SLC29A4: variants seen among roughly 807,000 people sequenced by gnomAD.
SLC29A4 encodes equilibrative nucleoside transporter 4.
Under a neutral mutation model 43.9 loss-of-function variants are expected in SLC29A4, and 36 were observed. The ratio of observed to expected loss-of-function variants is 0.82; its 90% CI spans 0.63 to 1.08. The LOEUF (loss-of-function observed/expected upper bound fraction) is 1.08, where lower values mean the gene tolerates loss of function less well. Among genes scored for constraint, SLC29A4 ranks in the 50% least tolerant of loss-of-function variants. The pLI, the probability that SLC29A4 is intolerant of heterozygous loss-of-function variation, is 0.00. For synonymous variants in SLC29A4, 491 were observed against 338.0 expected, an observed-to-expected ratio of 1.45 and a Z score of -4.97; for missense variants, 869 against 755.3, an observed-to-expected ratio of 1.15 and a Z score of -1.77.
Position 5,299,011 on chromosome 7 carries a change from C to T in SLC29A4, c.906C>T (p.Ala302=). 1.9e-6 allele frequency: 3 copies of T among 1,610,938 alleles called. No individual in the cohort carries two copies. Among genetic ancestry groups the T allele is most frequent in the Non-Finnish European group, 1.7e-6 (2 of 1,179,792 alleles). The change falls in exon 8 of 11, where the codon GCC becomes GCT. Residue 302 remains alanine (A), a synonymous_variant. Transcript: ENST00000396872. Reference sequence around the variant, plus strand: ...AGGAGCACCCAGCCCCGGCCCTGGCCCCCAACGAGTCCCCAAAGGACAGCC... The same window carrying T: ...AGGAGCACCCAGCCCCGGCCCTGGCTCCCAACGAGTCCCCAAAGGACAGCC... ...VHFEHPAPAL[A]PNESPKDSPA... is the part of the protein sequence containing the mutation.
At chr7:5,284,034 C>A (rs1013682544) in intron 1 of SLC29A4, among the ~76,000 whole-genome samples, 8 of 55,518 alleles carry the variant, frequency 1.4e-4, no homozygotes, top group South Asian at 8.7e-4. Flanking sequence ...GCTGCACGAC[C>A]CCCCCCCCCA....
chr7:5,303,295 G>C lies in SLC29A4; in HGVS notation c.*356G>C, dbSNP rs1354043294. The C allele has an allele frequency of 8.5e-6, 3 of 351,078 alleles. No homozygotes were observed. Among genetic ancestry groups the C allele is most frequent in the Non-Finnish European group, 1.6e-5 (3 of 188,122 alleles). 21.7% of individuals were successfully genotyped at this position (351,078 alleles called of 1,614,324 possible). A position where few individuals can be genotyped will look rare whatever the true frequency, so the allele number is the denominator to read the frequency against. On this transcript the variant is annotated 3_prime_UTR_variant, in exon 11 of 11. Transcript: ENST00000396872. ...CACCCAGGACAGCAGACACCCGCCA[G>C]AGTGTGCGCGCCCAGTGACTGCACC...
At position 5,287,831 on chromosome 7, in the gene SLC29A4, G is replaced by T. The variant is rs749562136; in HGVS notation, c.15G>T (p.Gly5=). The T allele has an allele frequency of 1.2e-6, 2 of 1,611,330 alleles. No individual in the cohort carries two copies. The highest frequency in any genetic ancestry group is 1.7e-6 in the Non-Finnish European group (2 of 1,179,744). ...CAGAGGCTGCCATGGGCTCCGTGGG[G>T]AGCCAGCGCCTTGAGGAGCCCAGCG... MGSV[G]SQRLEEPSVA... The change falls in exon 2 of 11, where the codon GGG becomes GGT. Residue 5 remains glycine, a synonymous_variant. Coordinates refer to ENST00000396872, the MANE Select transcript of SLC29A4 (RefSeq NM_153247.4).
At chr7:5,290,612 G>A in intron 2 of SLC29A4, 120 bp from the exon 3 acceptor site, 2 of 1,318,034 alleles carry the variant, frequency 1.5e-6, no homozygotes, top group Non-Finnish European at 2.1e-6. Flanking sequence ...AGGGGAGCAG[G>A]GGTCACGGTG....
chr7:5,293,265 A>T (rs1313267834), intron 5 of SLC29A4, among the ~76,000 whole-genome samples: 2 of 139,602 alleles, frequency 1.4e-5, no homozygotes, highest in South Asian at 4.5e-4. Context: ...TCCGTCTCCC[A>T]GGTTCAAGGG....
intron 5 of SLC29A4, among the ~76,000 whole-genome samples, chr7:5,292,981 G>A (rs1439896560): frequency 1.3e-5 from 2 of 150,478 alleles, no homozygotes; most frequent in East Asian, 3.9e-4. Context: ...TTACAGGCGT[G>A]AGCCACCGCA....
At chr7:5,285,326 T>C (rs570131343) in intron 1 of SLC29A4, among the ~76,000 whole-genome samples, 2 of 135,078 alleles carry the variant, frequency 1.5e-5, no homozygotes, top group South Asian at 5.0e-4. Context: ...CGAGGGGCAG[T>C]CAGGGGAGCC....
chr7:5,296,198 T>A (rs1368231502), intron 6 of SLC29A4, among the ~76,000 whole-genome samples: 1 of 152,020 alleles, frequency 6.6e-6, no homozygotes, highest in Non-Finnish European at 1.5e-5. Context: ...ACAGGGGCCC[T>A]CTAACTGCCC....
Position 5,291,188 on chromosome 7 carries a change from GAAC to G in SLC29A4, c.370_372del (p.Asn124del). 3 of 1,613,758 alleles carry G rather than the reference GAAC, an allele frequency of 1.9e-6. No homozygotes were observed. The highest frequency in any genetic ancestry group is 2.5e-6 in the Non-Finnish European group (3 of 1,180,016). On this transcript the variant is annotated inframe_deletion, in exon 4 of 11. Transcript: ENST00000396872. The stretch of plus-strand genomic sequence containing the variant: ...TGGTGGCACTGGCAGCTGTCCTCCT[GAAC>G]AACGTCCTGGTGGAGAGACTGACCC...
intron 7 of SLC29A4, among the ~76,000 whole-genome samples, chr7:5,298,330 G>C (rs566999161): frequency 7.0e-4 from 106 of 152,298 alleles, no homozygotes; most frequent in Admixed American, 1.4e-3. Context: ...GAAGCGTGTT[G>C]GGGCAGAGGG....
At chr7:5,290,968 A>T (rs1264205834) in intron 3 of SLC29A4, 105 bp downstream of exon 3, 97 of 1,541,514 alleles carry the variant, frequency 6.3e-5, no homozygotes, top group Non-Finnish European at 8.2e-5. Flanking sequence ...GACCTGTTTT[A>T]TTCAGATCTC....
intron 5 of SLC29A4, among the ~76,000 whole-genome samples, chr7:5,293,896 GGAGTTC>G (rs1785473149): frequency 1.3e-5 from 2 of 152,138 alleles, no homozygotes; most frequent in Admixed American, 1.3e-4. Context: ...CACGAGGTCA[GGAGTTC>G]GAGACCAGTC....
In SLC29A4 at chr7:5,291,471, C is replaced by G. The variant is rs563569238; in HGVS notation, c.416-222C>G. On this transcript the variant is annotated intron_variant, in intron 4 of 10. Coordinates refer to ENST00000396872, the MANE Select transcript of SLC29A4 (RefSeq NM_153247.4). ...CACGTCCAGTGTGTTCTTCCTTTCC[C>G]ATTCCTCTGCACGGCAACATCCAGC... is the stretch of plus-strand genomic sequence containing the variant. Among the ~76,000 whole-genome samples, 63 of 152,366 alleles carry G rather than the reference C, an allele frequency of 4.1e-4. 1 individual carries two copies. The highest frequency in any genetic ancestry group is 1.5e-3 in the African/African-American group (62 of 41,592).
At chr7:5,283,757 G>A (rs1205053523) in intron 1 of SLC29A4, among the ~76,000 whole-genome samples, 2 of 152,222 alleles carry the variant, frequency 1.3e-5, no homozygotes, top group Non-Finnish European at 2.9e-5. Flanking sequence ...GTTAGCCCCG[G>A]TTAACGGGGA....
chr7:5,299,234 C>T lies in SLC29A4; in HGVS notation c.1022-6C>T, dbSNP rs746701846. ...CTGCCTCTGACCCCCGCCCGCCACCCTCCAGCCCTGTTACTGCACCGCTAC... is the reference window on the plus strand; with the variant it reads ...CTGCCTCTGACCCCCGCCCGCCACCTTCCAGCCCTGTTACTGCACCGCTAC... On this transcript the variant is annotated splice_polypyrimidine_tract_variant and splice_region_variant and intron_variant, in intron 8 of 10. Transcript: ENST00000396872. 1.1e-5 allele frequency: 17 copies of T among 1,610,598 alleles called. No individual in the cohort carries two copies. The African/African-American group carries it at 1.6e-4, about 15-fold the overall frequency.
intron 1 of SLC29A4, among the ~76,000 whole-genome samples, chr7:5,286,128 A>G (rs1322183094): frequency 6.6e-6 from 1 of 152,168 alleles, no homozygotes; most frequent in Admixed American, 6.5e-5. Flanking sequence ...CTGAGGCACT[A>G]CATTCAGCAC....
In SLC29A4 at chr7:5,290,478, T is replaced by A. The variant is rs183308095; in HGVS notation, c.170-254T>A. 5.1e-3 allele frequency among the ~76,000 whole-genome samples: 771 copies of A among 152,336 alleles called. 3 individuals carry two copies. The highest frequency in any genetic ancestry group is 8.3e-3 in the Non-Finnish European group (565 of 68,038). ...TCCCAGAGTGCTGGGATTACAGACG[T>A]GAGCTGGTTTCCTGTCCATCAAGCT... On this transcript the variant is annotated intron_variant, in intron 2 of 10. Transcript: ENST00000396872.
chr7:5,301,756 G>T (rs1360931964), intron 10 of SLC29A4, among the ~76,000 whole-genome samples: 1 of 152,182 alleles, frequency 6.6e-6, no homozygotes, highest in African/African-American at 2.4e-5. Flanking sequence ...GAGAGGTAGG[G>T]TGTGGGAGAG....
At chr7:5,296,283 C>G (rs1276592853) in intron 6 of SLC29A4, among the ~76,000 whole-genome samples, 3 of 151,754 alleles carry the variant, frequency 2.0e-5, no homozygotes, top group Non-Finnish European at 4.4e-5. Flanking sequence ...TTGCATCCAT[C>G]CTCTTCCCAC....
Sources: gnomAD v4.1 joint callset for allele counts (sites outside exome capture counted in the v4.1 genomes callset) on GRCh38, gnomAD v4.1.1 for gene constraint, MANE v1.5 for transcripts, NCBI Gene and HGNC (gene_info 2026-07-23, HGNC 2026-07-21) for gene names.